The following ENAH variants were observed in gnomAD, a reference collection of about 807,000 sequenced individuals.
The protein encoded by ENAH is protein enabled homolog.
In ENAH, 23 loss-of-function variants were observed where a neutral mutation model predicts 78.7. That is an observed-to-expected ratio of 0.29 (90% confidence interval 0.21 to 0.41). The LOEUF is 0.41. Among genes scored for constraint, ENAH ranks in the 10% least tolerant of loss-of-function variants. The probability of loss-of-function intolerance (pLI) is 1.00; values close to 1 mark genes in which losing one functional copy is unlikely to be tolerated. For synonymous variants in ENAH, 226 were observed against 241.0 expected, an observed-to-expected ratio of 0.94 and a Z score of 0.58; for missense variants, 544 against 691.0, an observed-to-expected ratio of 0.79 and a Z score of 2.39.
chr1:225,572,456 G>T (rs2096767932), intron 1 of ENAH, among the ~76,000 whole-genome samples: 1 of 152,118 alleles, frequency 6.6e-6, no homozygotes, highest in African/African-American at 2.4e-5. Flanking sequence ...TCAAAACAAA[G>T]ACAAATCATT....
At chr1:225,585,060 C>T (rs1022128769) in intron 1 of ENAH, among the ~76,000 whole-genome samples, 1 of 151,334 alleles carries the variant, frequency 6.6e-6, no homozygotes, top group Non-Finnish European at 1.5e-5. Flanking sequence ...ACTAAAAATA[C>T]AAAAATTAGC....
At chr1:225,528,080 C>T (rs2096518891) in intron 4 of ENAH, among the ~76,000 whole-genome samples, 1 of 152,036 alleles carries the variant, frequency 6.6e-6, no homozygotes, top group Admixed American at 6.6e-5. Context: ...TGTCTTATAC[C>T]CCAAAACCTG....
chr1:225,529,457 A>T (rs2151249868), intron 4 of ENAH, among the ~76,000 whole-genome samples: 1 of 152,248 alleles, frequency 6.6e-6, no homozygotes, highest in Non-Finnish European at 1.5e-5. Context: ...TGGACGGAAA[A>T]ATAAAATAAA....
chr1:225,629,289 AAG>A, intron 1 of ENAH, among the ~76,000 whole-genome samples: 1 of 150,926 alleles, frequency 6.6e-6, no homozygotes, highest in Non-Finnish European at 1.5e-5. Context: ...GAAGAAAGAA[AAG>A]AAGGCAGGGA....
intron 4 of ENAH, among the ~76,000 whole-genome samples, chr1:225,522,354 C>T (rs555287881): frequency 5.9e-5 from 9 of 152,184 alleles, no homozygotes; most frequent in Non-Finnish European, 1.0e-4. Flanking sequence ...CACACCCTCT[C>T]CTGGACATAC....
At chr1:225,536,634 A>G (rs2096563038) in intron 3 of ENAH, among the ~76,000 whole-genome samples, 2 of 152,080 alleles carry the variant, frequency 1.3e-5, no homozygotes, top group African/African-American at 4.8e-5. Context: ...ATGCTAACTA[A>G]AAGTTTTAGA....
At chr1:225,631,509 GGT>G (rs1659050658) in intron 1 of ENAH, among the ~76,000 whole-genome samples, 1 of 151,316 alleles carries the variant, frequency 6.6e-6, no homozygotes, top group African/African-American at 2.4e-5. Flanking sequence ...GGAAGGCGGA[GGT>G]TGCGGTGAGC....
chr1:225,505,934 A>G (rs2096325092), intron 11 of ENAH, among the ~76,000 whole-genome samples: 1 of 152,164 alleles, frequency 6.6e-6, no homozygotes, highest in South Asian at 2.1e-4. Flanking sequence ...TCTATATAAA[A>G]TTATTTTCAA....
chr1:225,519,626 ATTC>A, intron 4 of ENAH, 61 bp from the exon 5 acceptor site: 1 of 1,551,166 alleles, frequency 6.4e-7, no homozygotes, highest in East Asian at 2.2e-5. Context: ...TGAAAAAGCG[ATTC>A]TTTTCACCTA....
chr1:225,599,534 G>A (rs1019235635), intron 1 of ENAH, among the ~76,000 whole-genome samples: 6 of 151,950 alleles, frequency 3.9e-5, no homozygotes, highest in South Asian at 2.1e-4. Flanking sequence ...GGCTGGGTGC[G>A]GTGGCTCACA....
intron 4 of ENAH, among the ~76,000 whole-genome samples, chr1:225,525,230 C>G (rs1451229221): frequency 6.6e-6 from 1 of 152,162 alleles, no homozygotes. Context: ...TCCTATATCT[C>G]TAGCTCCCCA....
intron 1 of ENAH, among the ~76,000 whole-genome samples, chr1:225,611,494 T>C (rs1335893681): frequency 1.3e-5 from 2 of 152,060 alleles, no homozygotes; most frequent in Non-Finnish European, 2.9e-5. Context: ...AATTTTTATA[T>C]ATTTTGTAGA....
chr1:225,504,336 C>A (rs1376011416), intron 11 of ENAH, among the ~76,000 whole-genome samples: 1 of 151,968 alleles, frequency 6.6e-6, no homozygotes, highest in East Asian at 1.9e-4. Context: ...ATGATGAGAG[C>A]GTTGCCTTTA....
At chr1:225,528,410 G>C (rs766864092) in intron 4 of ENAH, among the ~76,000 whole-genome samples, 4 of 152,148 alleles carry the variant, frequency 2.6e-5, no homozygotes, top group Non-Finnish European at 4.4e-5. Flanking sequence ...CAGTCATGAG[G>C]GGGTGAAACA....
At chr1:225,606,259 C>T (rs573900439) in intron 1 of ENAH, among the ~76,000 whole-genome samples, 5 of 151,904 alleles carry the variant, frequency 3.3e-5, no homozygotes, top group African/African-American at 7.3e-5. Context: ...TTCAGGAGTT[C>T]GAGACCAGCC....
At chr1:225,559,547 C>A (rs1558813597) in intron 2 of ENAH, among the ~76,000 whole-genome samples, 1 of 152,132 alleles carries the variant, frequency 6.6e-6, no homozygotes, top group African/African-American at 2.4e-5. Flanking sequence ...ACAAGAGGAA[C>A]TGTGAAATAT....
At position 225,591,764 on chromosome 1, in the gene ENAH, C is replaced by CAAAAAA. The variant is rs55680042; in HGVS notation, c.6-24356_6-24351dup. On this transcript the variant is annotated intron_variant, in intron 1 of 13. Transcript: ENST00000366843. The stretch of plus-strand genomic sequence containing the variant: ...TGGGCGACAGAGACAGACTCCGTCT[C>CAAAAAA]AAAAAAAAAAAAAAAAAAAAAAAAA... Among the ~76,000 whole-genome samples the CAAAAAA allele has an allele frequency of 9.1e-4, 36 of 39,500 alleles. 1 individual carries two copies. The highest frequency in any genetic ancestry group is 1.9e-3 in the African/African-American group (29 of 15,224). The allele number at this position is 39,500 out of a possible 152,430, so 25.9% of individuals were successfully genotyped here. A position where few individuals can be genotyped will look rare whatever the true frequency, so the allele number is the denominator to read the frequency against.
chr1:225,516,723 A>T lies in ENAH; in HGVS notation c.913+473T>A, dbSNP rs896310756. ...ACCCTGTCTCTACTAAAAATACAAA[A>T]ATTAGCCAGGCGTGGTGGCATGTGC... On this transcript the variant is annotated intron_variant, in intron 6 of 13. Transcript: ENST00000366843. Among the ~76,000 whole-genome samples the T allele has an allele frequency of 2.8e-4, 42 of 151,932 alleles. 1 individual carries two copies. The highest frequency in any genetic ancestry group is 1.5e-5 in the Non-Finnish European group (1 of 67,994).
Position 225,567,477 on chromosome 1 carries a change from T to C in ENAH, c.6-63A>G. On this transcript the variant is annotated intron_variant, in intron 1 of 13. Transcript: ENST00000366843. Reference sequence around the variant, plus strand: ...TTTAAAATATGCTAAGTGTTCCACATAGCCACACAAACCTAGGAGTCAGTC... The same window carrying C: ...TTTAAAATATGCTAAGTGTTCCACACAGCCACACAAACCTAGGAGTCAGTC... The C allele has an allele frequency of 4.0e-6, 6 of 1,501,910 alleles. No individual in the cohort carries two copies. In the Admixed American group the frequency reaches 5.9e-5, roughly 15 times the overall value. The allele number at this position is 1,501,910 out of a possible 1,614,324, so 93.0% of individuals were successfully genotyped here. A position where few individuals can be genotyped will look rare whatever the true frequency, so the allele number is the denominator to read the frequency against.
Sources: allele counts gnomAD v4.1 joint callset (sites outside exome capture counted in the v4.1 genomes callset), GRCh38; gene constraint gnomAD v4.1.1; transcripts MANE v1.5; gene names NCBI Gene and HGNC (gene_info 2026-07-23, HGNC 2026-07-21).